The following CCNB3 variants were observed in gnomAD, a reference collection of about 807,000 sequenced individuals.
CCNB3 encodes the protein cyclin B3, also known as G2/mitotic-specific cyclin-B3.
In CCNB3, 12 loss-of-function variants were observed where a neutral mutation model predicts 68.0. That is an observed-to-expected ratio of 0.18 (90% CI 0.11 to 0.29). The LOEUF is 0.29. Among genes scored for constraint, CCNB3 ranks in the 10% least tolerant of loss-of-function variants. The probability of loss-of-function intolerance (pLI) is 1.00; values close to 1 mark genes in which losing one functional copy is unlikely to be tolerated. For missense variants in CCNB3, 904 were observed against 993.1 expected (o/e 0.91, Z 1.21); for synonymous variants, 354 against 388.9 (o/e 0.91, Z 1.06).
chrX:50,228,002 AATAT>A (rs1176615528), intron 1 of CCNB3, among the ~76,000 whole-genome samples: 2 of 85,682 alleles, frequency 2.3e-5, no homozygotes, highest in Non-Finnish European at 4.3e-5. Flanking sequence ...ATATATAGAG[AATAT>A]ATATAAATAT....
intron 1 of CCNB3, among the ~76,000 whole-genome samples, chrX:50,221,934 T>G (rs1935680867): frequency 9.0e-6 from 1 of 111,437 alleles, no homozygotes. Context: ...AGAACTTGCT[T>G]TATGAATCTG....
chrX:50,284,624 C>G lies in CCNB3; in HGVS notation c.-38+8C>G, dbSNP rs1396422108. The G allele has an allele frequency of 1.7e-5, 2 of 117,157 alleles. No homozygotes were observed. Among genetic ancestry groups the G allele is most frequent in the African/African-American group, 6.5e-5 (2 of 30,798 alleles). The allele number at this position is 117,157 out of a possible 1,213,427, so 9.7% of individuals were successfully genotyped here. ...GGCCTATCGCGAATACATGTGTGTG[C>G]AGTTATTGTTTTCTCTGTAGGGTCA... On this transcript the variant is annotated splice_region_variant and intron_variant, in intron 2 of 12. Coordinates refer to ENST00000376042, the MANE Select transcript of CCNB3 (RefSeq NM_033031.3).
intron 8 of CCNB3, among the ~76,000 whole-genome samples, chrX:50,318,331 G>C (rs1921843887): frequency 9.1e-6 from 1 of 110,199 alleles, no homozygotes; most frequent in Non-Finnish European, 1.9e-5. Context: ...GACCAACGTG[G>C]TGAAACCTCC....
intron 4 of CCNB3, among the ~76,000 whole-genome samples, chrX:50,290,897 A>G (rs1356061973): frequency 1.8e-5 from 2 of 111,850 alleles, no homozygotes; most frequent in African/African-American, 6.5e-5. Context: ...CAGTTCCATC[A>G]TTACAATGTA....
rs150260750 is a variant in CCNB3, at chrX:50,308,959, G to A, written c.790G>A (p.Glu264Lys). The A allele has an allele frequency of 4.1e-5, 50 of 1,208,923 alleles. No individual in the cohort carries two copies. The African/African-American group carries it at 7.7e-4, about 19-fold the overall frequency. Residue 264 changes from glutamate to lysine, a missense_variant, in exon 6 of 13, where the codon GAG becomes AAG. This residue lies in a region of CCNB3 where 619 missense variants were observed against 609.8 expected (regional missense o/e 1.02). Coordinates refer to ENST00000376042, the MANE Select transcript of CCNB3 (RefSeq NM_033031.3). ...TATGGAAGAGGATTCCTTCTTTATG[G>A]AGTCAATGAGTTTTAAGAAGAAGCC... ...VNMEEDSFFMESMSFKKKPKT... is the reference protein window; with the variant it reads ...VNMEEDSFFMKSMSFKKKPKT...
chrX:50,210,531 C>G (rs1318852409), intron 1 of CCNB3, among the ~76,000 whole-genome samples: 3 of 111,654 alleles, frequency 2.7e-5, no homozygotes, highest in African/African-American at 6.5e-5. Flanking sequence ...CTTAGGGTGA[C>G]TTGTGTTAAT....
At chrX:50,344,100 C>A in intron 9 of CCNB3, among the ~76,000 whole-genome samples, 1 of 112,140 alleles carries the variant, frequency 8.9e-6, no homozygotes, top group Non-Finnish European at 1.9e-5. Context: ...GTTTAGATAG[C>A]CTAAACAAAT....
chrX:50,312,712 A>G, intron 7 of CCNB3, 80 bp downstream of exon 7: 1 of 611,727 alleles, frequency 1.6e-6, no homozygotes, highest in Non-Finnish European at 2.7e-6. Flanking sequence ...GCAAGTTGAA[A>G]GGGGTGGTAA....
chrX:50,222,488 C>T (rs938495402), intron 1 of CCNB3, among the ~76,000 whole-genome samples: 3 of 111,300 alleles, frequency 2.7e-5, no homozygotes, highest in Non-Finnish European at 5.6e-5. Flanking sequence ...TCAGCATTTG[C>T]TTGTCTGTAA....
chrX:50,227,333 TAC>T (rs1196520481), intron 1 of CCNB3, among the ~76,000 whole-genome samples: 7 of 82,766 alleles, frequency 8.5e-5, no homozygotes, highest in Non-Finnish European at 1.3e-4. Context: ...TATATAAATA[TAC>T]ACACAGAATA....
intron 1 of CCNB3, among the ~76,000 whole-genome samples, 195 bp downstream of exon 1, chrX:50,205,145 T>C (rs1462693619): frequency 1.8e-5 from 2 of 112,215 alleles, no homozygotes; most frequent in African/African-American, 6.5e-5. Context: ...AAAATAACCT[T>C]TAAAAAGTAC....
intron 4 of CCNB3, among the ~76,000 whole-genome samples, chrX:50,290,019 C>T (rs981833928): frequency 9.0e-6 from 1 of 111,660 alleles, no homozygotes; most frequent in African/African-American, 3.3e-5. Context: ...GAGCCCCTTC[C>T]CACACACACA....
At position 50,310,606 on chromosome X, in the gene CCNB3, G is replaced by A; in HGVS notation, c.2437G>A (p.Glu813Lys). 3 of 1,211,639 alleles carry A rather than the reference G, an allele frequency of 2.5e-6. No homozygotes were observed. The highest frequency in any genetic ancestry group is 2.2e-6 in the Non-Finnish European group (2 of 895,497). ...GCAGGAGGAGCCCAGCATTGAGAAG[G>A]AAGCTGTCCTCAAGGAGCCCACTAT... ...AMQEEPSIEK[E>K]AVLKEPTIDT... is the part of the protein sequence containing the mutation. Residue 813 changes from glutamate to lysine, a missense_variant, in exon 6 of 13, where the codon GAA (glutamate) becomes AAA (lysine). Glu to Lys is a moderately conservative substitution (Grantham distance 56). Around this residue, in one of 2 missense-constraint regions of CCNB3, gnomAD observed 619 missense variants for 609.8 expected, o/e 1.02. Transcript: ENST00000376042.
intron 1 of CCNB3, among the ~76,000 whole-genome samples, chrX:50,225,358 T>C (rs1935736620): frequency 9.0e-6 from 1 of 111,507 alleles, no homozygotes; most frequent in Non-Finnish European, 1.9e-5. Context: ...GAGCAGGGAA[T>C]GCAAAATGCA....
intron 1 of CCNB3, among the ~76,000 whole-genome samples, chrX:50,221,932 CT>C (rs1273341968): frequency 6.3e-5 from 7 of 111,034 alleles, no homozygotes; most frequent in Admixed American, 3.8e-4. Flanking sequence ...TAAGAACTTG[CT>C]TTATGAATCT....
intron 8 of CCNB3, among the ~76,000 whole-genome samples, chrX:50,318,218 A>G (rs1443758048): frequency 1.9e-5 from 2 of 105,375 alleles, no homozygotes; most frequent in African/African-American, 3.9e-5. Flanking sequence ...ATTCTTAAAA[A>G]AAAAAAAAAA....
chrX:50,298,246 C>A (rs1188026936), intron 5 of CCNB3, among the ~76,000 whole-genome samples: 56 of 111,628 alleles, frequency 5.0e-4, no homozygotes, highest in Non-Finnish European at 9.4e-4. Flanking sequence ...TTTGTCCATT[C>A]AGTATGATAT....
At chrX:50,325,719 T>C (rs782709866) in intron 8 of CCNB3, among the ~76,000 whole-genome samples, 4 of 112,032 alleles carry the variant, frequency 3.6e-5, no homozygotes, top group Non-Finnish European at 5.6e-5. Context: ...TCCTGAAGGA[T>C]TGGCTGTTTC....
intron 1 of CCNB3, among the ~76,000 whole-genome samples, chrX:50,282,358 T>A (rs891310862): frequency 1.7e-4 from 19 of 111,519 alleles, no homozygotes; most frequent in African/African-American, 6.2e-4. Context: ...AGAGCCTTGC[T>A]GTCTGTAACC....
Sources: allele counts gnomAD v4.1 joint callset (sites outside exome capture counted in the v4.1 genomes callset), GRCh38; gene constraint gnomAD v4.1.1; regional missense constraint gnomAD v4.1.1; transcripts MANE v1.5; gene names NCBI Gene and HGNC (gene_info 2026-07-23, HGNC 2026-07-21).